The following SPATS2L variants were observed in gnomAD, a reference collection of about 807,000 sequenced individuals.
SPATS2L encodes the protein SPATS2-like protein.
A neutral mutation model predicts 59.6 loss-of-function variants in SPATS2L; 30 were observed. The observed-to-expected ratio is 0.50, with a 90% CI of 0.38 to 0.68. The LOEUF (loss-of-function observed/expected upper bound fraction) is 0.68, where lower values mean the gene tolerates loss of function less well. Among genes scored for constraint, SPATS2L ranks in the 30% least tolerant of loss-of-function variants. SPATS2L has a pLI of 0.00. For missense variants in SPATS2L, 615 were observed against 700.0 expected (o/e 0.88, Z 1.37); for synonymous variants, 252 against 263.5 (o/e 0.96, Z 0.42).
chr2:200,403,447 C>T (rs2082595368), intron 3 of SPATS2L, among the ~76,000 whole-genome samples: 1 of 152,208 alleles, frequency 6.6e-6, no homozygotes, highest in South Asian at 2.1e-4. Flanking sequence ...TACACACCAG[C>T]AAGCAGCACT....
chr2:200,416,703 C>G (rs867883369), intron 5 of SPATS2L, among the ~76,000 whole-genome samples: 1 of 152,102 alleles, frequency 6.6e-6, no homozygotes, highest in African/African-American at 2.4e-5. Flanking sequence ...GGGAGCCCAG[C>G]TGGAGAATTC....
chr2:200,326,592 G>GCA (rs2105784671), intron 1 of SPATS2L, among the ~76,000 whole-genome samples: 1 of 152,252 alleles, frequency 6.6e-6, no homozygotes, highest in South Asian at 2.1e-4. Context: ...TAAAATAATT[G>GCA]TGGAATCCCT....
chr2:200,452,751 G>A (rs1305843519), intron 8 of SPATS2L, among the ~76,000 whole-genome samples: 1 of 152,178 alleles, frequency 6.6e-6, no homozygotes, highest in African/African-American at 2.4e-5. Flanking sequence ...AGCGTGATTA[G>A]TAGGCAGCCT....
At position 200,403,076 on chromosome 2, in the gene SPATS2L, C is replaced by T. The variant is rs373791041; in HGVS notation, c.40-9235C>T. 7.6e-4 allele frequency among the ~76,000 whole-genome samples: 116 copies of T among 152,290 alleles called. No individual in the cohort carries two copies. In the South Asian group the frequency reaches 0.016, roughly 21 times the overall value. ...CCGGGGACACTTGTCTCAAACTCAA[C>T]GGAAGGAGAGTCAGTAGCAAGTAAC... On this transcript the variant is annotated intron_variant, in intron 3 of 12. Coordinates refer to ENST00000409140, the MANE Select transcript of SPATS2L (RefSeq NM_001100423.2).
intron 2 of SPATS2L, among the ~76,000 whole-genome samples, chr2:200,356,676 T>C (rs868700461): frequency 6.6e-6 from 1 of 152,208 alleles, no homozygotes; most frequent in Non-Finnish European, 1.5e-5. Context: ...TGAGGATGGC[T>C]TGGTAAATGA....
At chr2:200,351,895 T>C (rs751456811) in intron 2 of SPATS2L, among the ~76,000 whole-genome samples, 3 of 152,196 alleles carry the variant, frequency 2.0e-5, no homozygotes, top group Admixed American at 1.3e-4. Flanking sequence ...AGTTCTATCT[T>C]GTCAATCTGT....
chr2:200,357,829 G>A (rs964405660), intron 2 of SPATS2L, among the ~76,000 whole-genome samples: 1 of 152,070 alleles, frequency 6.6e-6, no homozygotes, highest in Admixed American at 6.6e-5. Context: ...GTATATGTAC[G>A]CGAGCAATAC....
intron 8 of SPATS2L, among the ~76,000 whole-genome samples, chr2:200,448,591 T>C (rs754401450): frequency 6.6e-6 from 1 of 152,226 alleles, no homozygotes; most frequent in Non-Finnish European, 1.5e-5. Context: ...TATCTCTTTC[T>C]GCTCTGGAAA....
At chr2:200,383,666 C>T (rs753784792) in intron 2 of SPATS2L, among the ~76,000 whole-genome samples, 12 of 152,138 alleles carry the variant, frequency 7.9e-5, no homozygotes, top group Non-Finnish European at 1.3e-4. Context: ...CTAAGTCATA[C>T]GTCATGACAT....
chr2:200,308,895 CT>C (rs917770496), intron 1 of SPATS2L: 4 of 603,670 alleles, frequency 6.6e-6, no homozygotes, highest in Non-Finnish European at 1.2e-5. Flanking sequence ...AGGGAGCCCC[CT>C]AATGAAAGTC....
intron 3 of SPATS2L, among the ~76,000 whole-genome samples, chr2:200,403,962 T>C (rs1387437428): frequency 6.6e-6 from 1 of 152,206 alleles, no homozygotes; most frequent in Non-Finnish European, 1.5e-5. Context: ...CCCTTCACAA[T>C]CTGAAATTTT....
At chr2:200,352,192 C>A (rs2080756124) in intron 2 of SPATS2L, among the ~76,000 whole-genome samples, 1 of 151,390 alleles carries the variant, frequency 6.6e-6, no homozygotes, top group Non-Finnish European at 1.5e-5. Flanking sequence ...CTTGTGTGAA[C>A]AAAACTGACA....
At chr2:200,448,383 A>G (rs1363538294) in intron 8 of SPATS2L, among the ~76,000 whole-genome samples, 1 of 152,194 alleles carries the variant, frequency 6.6e-6, no homozygotes, top group South Asian at 2.1e-4. Flanking sequence ...CAGAGGTGGC[A>G]GTGAGCTGAG....
intron 2 of SPATS2L, among the ~76,000 whole-genome samples, chr2:200,352,755 G>A (rs1235943270): frequency 1.3e-5 from 2 of 152,102 alleles, no homozygotes; most frequent in Admixed American, 1.3e-4. Context: ...TAGCCTCATG[G>A]GCTGGTGAAC....
intron 6 of SPATS2L, among the ~76,000 whole-genome samples, chr2:200,422,552 AGG>A (rs200315196): frequency 7.2e-6 from 1 of 139,634 alleles, no homozygotes; most frequent in Non-Finnish European, 1.6e-5. Context: ...AAAAAAAAAA[AGG>A]GGGAGGAAGA....
At chr2:200,335,791 C>T (rs2080123060) in intron 2 of SPATS2L, among the ~76,000 whole-genome samples, 1 of 152,156 alleles carries the variant, frequency 6.6e-6, no homozygotes, top group Non-Finnish European at 1.5e-5. Context: ...CTTGCATTTA[C>T]ATTCATTTTG....
At chr2:200,380,407 C>T (rs1453972371) in intron 2 of SPATS2L, among the ~76,000 whole-genome samples, 1 of 152,206 alleles carries the variant, frequency 6.6e-6, no homozygotes, top group African/African-American at 2.4e-5. Context: ...CTCTGCCTGC[C>T]ATACAAGCAC....
At chr2:200,466,566 A>G (rs16833520) in intron 9 of SPATS2L, among the ~76,000 whole-genome samples, 5,108 of 152,248 alleles carry the variant, frequency 0.034, 271 homozygotes, top group African/African-American at 0.12. Context: ...GAGCCAGAGT[A>G]CTCCCCAGTG....
At chr2:200,346,383 T>A (rs1226937688) in intron 2 of SPATS2L, among the ~76,000 whole-genome samples, 1 of 152,190 alleles carries the variant, frequency 6.6e-6, no homozygotes, top group Non-Finnish European at 1.5e-5. Flanking sequence ...TAGTTGAATG[T>A]GGTTGTTTTC....
Sources: allele counts gnomAD v4.1 joint callset (sites outside exome capture counted in the v4.1 genomes callset), GRCh38; gene constraint gnomAD v4.1.1; transcripts MANE v1.5; gene names NCBI Gene and HGNC (gene_info 2026-07-23, HGNC 2026-07-21).